Variants in DENND1A observed in about 807,000 individuals in gnomAD.
DENND1A encodes DENN domain-containing protein 1A.
In DENND1A, 51 loss-of-function variants were observed where a neutral mutation model predicts 113.7. That is an observed-to-expected ratio of 0.45 (90% confidence interval 0.36 to 0.57). DENND1A has a LOEUF of 0.57. Ranked by LOEUF, DENND1A falls within the 20% of genes least tolerant of loss-of-function variation. DENND1A has a pLI of 0.00. For synonymous variants in DENND1A, 565 were observed against 570.8 expected, an observed-to-expected ratio of 0.99 and a Z score of 0.14; for missense variants, 1,258 against 1,395.9, an observed-to-expected ratio of 0.90 and a Z score of 1.57.
chr9:123,747,576 T>G (rs971082331), intron 5 of DENND1A, among the ~76,000 whole-genome samples: 1 of 152,158 alleles, frequency 6.6e-6, no homozygotes, highest in Non-Finnish European at 1.5e-5. Flanking sequence ...AAAAACCTAC[T>G]TAATTTCCAC....
chr9:123,830,016 T>G (rs1419892916), intron 2 of DENND1A, among the ~76,000 whole-genome samples: 2 of 152,226 alleles, frequency 1.3e-5, no homozygotes, highest in Non-Finnish European at 2.9e-5. Flanking sequence ...CTACTTGAAT[T>G]TATTCCAATA....
At chr9:123,403,047 C>T (rs2043623686) in intron 21 of DENND1A, among the ~76,000 whole-genome samples, 5 of 152,216 alleles carry the variant, frequency 3.3e-5, no homozygotes, top group African/African-American at 1.2e-4. Context: ...GTGGGTGGAT[C>T]CAGTTCAACA....
chr9:123,904,464 CT>C (rs1231758685), intron 1 of DENND1A, among the ~76,000 whole-genome samples: 1 of 146,222 alleles, frequency 6.8e-6, no homozygotes, highest in African/African-American at 2.6e-5. Context: ...AAGTTGAAAA[CT>C]TTGAAAAAAA....
At chr9:123,912,839 G>C (rs893756874) in intron 1 of DENND1A, among the ~76,000 whole-genome samples, 1 of 152,028 alleles carries the variant, frequency 6.6e-6, no homozygotes, top group Non-Finnish European at 1.5e-5. Context: ...TGATGAAATG[G>C]GACAAGACCA....
intron 2 of DENND1A, among the ~76,000 whole-genome samples, chr9:123,800,684 ATTTC>A (rs1271724491): frequency 6.6e-6 from 1 of 152,224 alleles, no homozygotes; most frequent in East Asian, 1.9e-4. Context: ...CAGCTTTCCA[ATTTC>A]TTTATTTATA....
At chr9:123,870,225 T>C (rs1564419156) in intron 2 of DENND1A, among the ~76,000 whole-genome samples, 1 of 151,926 alleles carries the variant, frequency 6.6e-6, no homozygotes, top group Non-Finnish European at 1.5e-5. Flanking sequence ...ACATTAACCT[T>C]ATCTGACTGT....
At chr9:123,813,556 A>G (rs1189495802) in intron 2 of DENND1A, among the ~76,000 whole-genome samples, 2 of 152,142 alleles carry the variant, frequency 1.3e-5, no homozygotes, top group African/African-American at 2.4e-5. Context: ...TTTAATACTT[A>G]AATATGACAA....
chr9:123,887,788 C>G (rs1056640373), intron 1 of DENND1A, among the ~76,000 whole-genome samples: 2 of 152,026 alleles, frequency 1.3e-5, no homozygotes, highest in African/African-American at 4.8e-5. Flanking sequence ...GGTGAAGGGG[C>G]CGTGTGCCTA....
chr9:123,625,320 TC>T (rs2061155391), intron 10 of DENND1A, among the ~76,000 whole-genome samples: 2 of 152,258 alleles, frequency 1.3e-5, no homozygotes, highest in African/African-American at 4.8e-5. Context: ...GGACCAGTGT[TC>T]AACAGTGGCA....
At position 123,746,747 on chromosome 9, in the gene DENND1A, T is replaced by C. The variant is rs1051000839; in HGVS notation, c.302+10956A>G. On this transcript the variant is annotated intron_variant, in intron 5 of 23. Transcript: ENST00000394215. ...CAAACAAAAAGACCTAGAATTGCAA[T>C]CTCTGGAGAATGTTAACAAAGAGTA... 5.3e-5 allele frequency among the ~76,000 whole-genome samples: 8 copies of C among 152,214 alleles called. No individual in the cohort carries two copies. The South Asian group carries it at 1.7e-3, about 32-fold the overall frequency.
At chr9:123,458,887 G>A (rs2048335413) in intron 13 of DENND1A, among the ~76,000 whole-genome samples, 2 of 152,284 alleles carry the variant, frequency 1.3e-5, no homozygotes, top group Admixed American at 1.3e-4. Flanking sequence ...GCTTGAACCT[G>A]GAGGCAGAGG....
intron 1 of DENND1A, among the ~76,000 whole-genome samples, chr9:123,893,722 G>C (rs1344962893): frequency 6.6e-6 from 1 of 152,160 alleles, no homozygotes; most frequent in East Asian, 1.9e-4. Context: ...AAATTGAATT[G>C]CTTGCCCAAA....
chr9:123,671,906 T>C (rs1162535096), intron 6 of DENND1A, among the ~76,000 whole-genome samples: 2 of 152,214 alleles, frequency 1.3e-5, no homozygotes, highest in Non-Finnish European at 2.9e-5. Flanking sequence ...TTGAGCAACA[T>C]GATGACATAC....
At chr9:123,754,280 T>C (rs2070332650) in intron 5 of DENND1A, among the ~76,000 whole-genome samples, 2 of 152,154 alleles carry the variant, frequency 1.3e-5, no homozygotes, top group South Asian at 4.1e-4. Context: ...CCCCAGTGGA[T>C]ACACCGTCAA....
At chr9:123,390,128 C>T (rs2042765351) in intron 21 of DENND1A, among the ~76,000 whole-genome samples, 2 of 152,250 alleles carry the variant, frequency 1.3e-5, no homozygotes, top group Admixed American at 1.3e-4. Context: ...CCTCTTCGCA[C>T]TTCATAGATA....
At chr9:123,495,171 T>TCTCTCTCTCTCTCTCTCTCTCTCTCTC (rs1564598042) in intron 13 of DENND1A, among the ~76,000 whole-genome samples, 1 of 76,292 alleles carries the variant, frequency 1.3e-5, no homozygotes, top group Non-Finnish European at 2.6e-5. Context: ...CTCTCTCTCT[T>TCTCTCTCTCTCTCTCTCTCTCTCTCTC]ATAATGTCTG....
chr9:123,634,664 T>G (rs2061624568), intron 9 of DENND1A, among the ~76,000 whole-genome samples: 1 of 152,234 alleles, frequency 6.6e-6, no homozygotes, highest in Non-Finnish European at 1.5e-5. Flanking sequence ...AAGGAAATGA[T>G]TCTATCAAAA....
intron 13 of DENND1A, among the ~76,000 whole-genome samples, chr9:123,493,746 C>T (rs1014865005): frequency 3.3e-5 from 5 of 152,118 alleles, no homozygotes; most frequent in African/African-American, 4.8e-5. Flanking sequence ...AGCCCAGCTG[C>T]GGGTGATGAA....
intron 1 of DENND1A, among the ~76,000 whole-genome samples, chr9:123,921,912 CT>C (rs113646800): frequency 0.1 from 14,459 of 143,570 alleles, 701 homozygotes; most frequent in African/African-American, 0.17. Context: ...CAAAGCCATC[CT>C]TTTTTTTTTT....
Sources: gnomAD v4.1 joint callset for allele counts (sites outside exome capture counted in the v4.1 genomes callset) on GRCh38, gnomAD v4.1.1 for gene constraint, MANE v1.5 for transcripts, NCBI Gene and HGNC (gene_info 2026-07-23, HGNC 2026-07-21) for gene names.